GKAP1: variants seen among roughly 807,000 people sequenced by gnomAD.
GKAP1 encodes the protein G kinase anchoring protein 1.
GKAP1 carries 31 observed loss-of-function variants against 56.7 expected under a neutral mutation model. The observed-to-expected ratio is 0.55, with a 90% CI of 0.41 to 0.74. The LOEUF (loss-of-function observed/expected upper bound fraction) is 0.74, where lower values mean the gene tolerates loss of function less well. GKAP1 is among the 30% of genes least tolerant of loss of function. The pLI is 0.00. For missense variants in GKAP1, 364 were observed against 402.3 expected (o/e 0.90, Z 0.82); for synonymous variants, 151 against 138.6 (o/e 1.09, Z -0.63).
At chr9:83,763,117 A>G (rs1196437048) in intron 8 of GKAP1, among the ~76,000 whole-genome samples, 1 of 152,206 alleles carries the variant, frequency 6.6e-6, no homozygotes, top group East Asian at 1.9e-4. Flanking sequence ...ATAAAAAAAG[A>G]TCTTGTTATT....
rs767421016 is a variant in GKAP1, at chr9:83,748,296, A to C, written c.904+13T>G. On this transcript the variant is annotated intron_variant, in intron 10 of 12. Coordinates refer to ENST00000376371, the MANE Select transcript of GKAP1 (RefSeq NM_025211.4). ...GATAAACTTTTAATTACAAAAACAT[A>C]AAATCCACTTACTTTCACCTTCCTG... 2 of 1,557,228 alleles carry C rather than the reference A, an allele frequency of 1.3e-6. No homozygotes were observed.
chr9:83,748,195 C>T, intron 10 of GKAP1, 114 bp downstream of exon 10: 1 of 632,204 alleles, frequency 1.6e-6, no homozygotes, highest in Non-Finnish European at 2.8e-6. Flanking sequence ...ACTATAGTCA[C>T]CCTATTGTGC....
intron 7 of GKAP1, among the ~76,000 whole-genome samples, chr9:83,775,702 C>T (rs1369306807): frequency 6.6e-6 from 1 of 151,264 alleles, no homozygotes; most frequent in African/African-American, 2.4e-5. Flanking sequence ...CCAGTGAAAC[C>T]CCGTCTCTAA....
intron 7 of GKAP1, among the ~76,000 whole-genome samples, chr9:83,771,493 T>C (rs1424535355): frequency 1.3e-5 from 2 of 152,288 alleles, no homozygotes; most frequent in East Asian, 1.9e-4. Flanking sequence ...GTAAAGTGTT[T>C]GAAAAAAATT....
intron 9 of GKAP1, among the ~76,000 whole-genome samples, chr9:83,752,033 TAC>T (rs1943398845): frequency 6.6e-6 from 1 of 152,136 alleles, no homozygotes; most frequent in African/African-American, 2.4e-5. Context: ...ACAAAATATA[TAC>T]ACACAATGAA....
rs757503040 is a variant in GKAP1, at chr9:83,799,233, C to T, written c.312G>A (p.Lys104=). The T allele has an allele frequency of 8.7e-6, 14 of 1,612,902 alleles. No individual in the cohort carries two copies. Among genetic ancestry groups the T allele is most frequent in the Non-Finnish European group, 1.2e-5 (14 of 1,179,528 alleles). The change falls in exon 4 of 13, where the codon AAG becomes AAA. Residue 104 remains lysine (K), a synonymous_variant. Coordinates refer to ENST00000376371, the MANE Select transcript of GKAP1 (RefSeq NM_025211.4). ...CTTGCCAATTTTCTTCTCGTGAATC[C>T]TTCTGTACTGGGTTTGACAATGGAA... is the stretch of plus-strand genomic sequence containing the variant. ...HDLPLSNPVQ[K]DSREENWQEW... is the part of the protein sequence containing the mutation.
At chr9:83,794,186 A>T (rs1944207194) in intron 4 of GKAP1, among the ~76,000 whole-genome samples, 2 of 152,144 alleles carry the variant, frequency 1.3e-5, no homozygotes, top group African/African-American at 4.8e-5. Context: ...TATGAAAATT[A>T]AAAAAGAGAG....
At chr9:83,772,361 T>C (rs1287895307) in intron 7 of GKAP1, among the ~76,000 whole-genome samples, 2 of 152,156 alleles carry the variant, frequency 1.3e-5, no homozygotes, top group Non-Finnish European at 2.9e-5. Context: ...ATAAGAGTGT[T>C]GTGCTGGGAG....
chr9:83,813,361 A>C (rs1944538223), intron 2 of GKAP1, among the ~76,000 whole-genome samples: 1 of 152,400 alleles, frequency 6.6e-6, no homozygotes, highest in Non-Finnish European at 1.5e-5. Flanking sequence ...AAACATTTAC[A>C]TATTATTAAA....
In GKAP1 at chr9:83,768,716, C is replaced by T. The variant is rs1433814148; in HGVS notation, c.738+102G>A. 6.1e-6 allele frequency: 6 copies of T among 988,468 alleles called. 1 individual carries two copies. Among genetic ancestry groups the T allele is most frequent in the South Asian group, 1.5e-5 (1 of 68,550 alleles). The allele number at this position is 988,468 out of a possible 1,614,324, so 61.2% of individuals were successfully genotyped here. A position where few individuals can be genotyped will look rare whatever the true frequency, so the allele number is the denominator to read the frequency against. On this transcript the variant is annotated intron_variant, in intron 8 of 12. Transcript: ENST00000376371. Reference sequence around the variant, plus strand: ...ACTAAGATCATATCCTAAACTACTACTTTATACAATCATAATTTGATTCTA... The same window carrying T: ...ACTAAGATCATATCCTAAACTACTATTTTATACAATCATAATTTGATTCTA...
chr9:83,786,006 G>A (rs1944057541), intron 5 of GKAP1, among the ~76,000 whole-genome samples: 1 of 152,044 alleles, frequency 6.6e-6, no homozygotes, highest in Non-Finnish European at 1.5e-5. Context: ...CCTTCAGAAT[G>A]CCTACTTTCC....
chr9:83,806,822 T>C (rs1341826757), intron 2 of GKAP1, among the ~76,000 whole-genome samples: 9 of 152,318 alleles, frequency 5.9e-5, no homozygotes, highest in Admixed American at 3.9e-4. Context: ...TTCACAGTCT[T>C]CCTCTCTCAA....
intron 8 of GKAP1, among the ~76,000 whole-genome samples, chr9:83,765,557 A>T (rs532309577): frequency 6.6e-6 from 1 of 152,360 alleles, no homozygotes; most frequent in Admixed American, 6.5e-5. Flanking sequence ...CCGTGAAAGC[A>T]GCCAGTAAGT....
At position 83,788,918 on chromosome 9, in the gene GKAP1, G is replaced by T. The variant is rs559057463; in HGVS notation, c.361-240C>A. ...CTCTTCATTGTTATCTATTATATAT[G>T]ATATAATCTTACTTTTTACCTTAAT... On this transcript the variant is annotated intron_variant, in intron 4 of 12. Transcript: ENST00000376371. The T allele has an allele frequency of 4.4e-5, 13 of 294,932 alleles. No homozygotes were observed. The South Asian group carries it at 6.2e-4, about 14-fold the overall frequency. 18.3% of individuals were successfully genotyped at this position (294,932 alleles called of 1,614,324 possible).
rs1436471849 is a variant in GKAP1 at position 83,768,920 on chromosome 9, T to C, written c.636A>G (p.Arg212=). 3 of 1,610,244 alleles carry C rather than the reference T, an allele frequency of 1.9e-6. No individual in the cohort carries two copies. The African/African-American group carries it at 4.0e-5, about 22-fold the overall frequency. Residue 212 remains arginine (R), a synonymous_variant, in exon 8 of 13, where the codon AGA becomes AGG. Transcript: ENST00000376371. Reference sequence around the variant, plus strand: ...GAATTTTATGAACATCATCTTCCAGTCTATTGAAGAATCCTCCATCATGTG... The same window carrying C: ...GAATTTTATGAACATCATCTTCCAGCCTATTGAAGAATCCTCCATCATGTG... ...TLSHDGGFFN[R]LEDDVHKILI...
intron 5 of GKAP1, among the ~76,000 whole-genome samples, chr9:83,786,254 C>T (rs1417187433): frequency 6.6e-6 from 1 of 152,154 alleles, no homozygotes; most frequent in African/African-American, 2.4e-5. Context: ...ACAGAAAATG[C>T]TATCCCAGCC....
At chr9:83,783,869 A>G (rs576512152) in intron 6 of GKAP1, among the ~76,000 whole-genome samples, 6 of 152,336 alleles carry the variant, frequency 3.9e-5, no homozygotes, top group African/African-American at 1.4e-4. Context: ...AATTCTTACT[A>G]AAGTTTTATG....
intron 2 of GKAP1, among the ~76,000 whole-genome samples, chr9:83,807,281 G>T (rs949982561): frequency 2.0e-5 from 3 of 152,136 alleles, no homozygotes; most frequent in Admixed American, 6.5e-5. Context: ...TAAGGTAAGT[G>T]GAGTTTAAGT....
intron 9 of GKAP1, among the ~76,000 whole-genome samples, chr9:83,750,960 CA>C (rs1297970408): frequency 3.3e-5 from 5 of 152,240 alleles, no homozygotes; most frequent in Admixed American, 3.3e-4. Flanking sequence ...CTCAGCATTC[CA>C]AGTAGCTGGG....
Sources: gnomAD v4.1 joint callset for allele counts (sites outside exome capture counted in the v4.1 genomes callset) on GRCh38, gnomAD v4.1.1 for gene constraint, MANE v1.5 for transcripts, NCBI Gene and HGNC (gene_info 2026-07-23, HGNC 2026-07-21) for gene names.